The following ST6GALNAC3 variants were observed in gnomAD, a reference collection of about 807,000 sequenced individuals.
ST6GALNAC3 encodes ST6 N-acetylgalactosaminide alpha-2,6-sialyltransferase 3.
Under a neutral mutation model 32.7 loss-of-function variants are expected in ST6GALNAC3, and 25 were observed. The ratio of observed to expected loss-of-function variants is 0.76; its 90% CI spans 0.56 to 1.07. The LOEUF (loss-of-function observed/expected upper bound fraction) is 1.07. Among genes scored for constraint, ST6GALNAC3 ranks in the 50% least tolerant of loss-of-function variants. The probability of loss-of-function intolerance (pLI) is 0.00; values close to 1 mark genes in which losing one functional copy is unlikely to be tolerated. For synonymous variants in ST6GALNAC3, 129 were observed against 133.1 expected (o/e 0.97, Z 0.21); for missense variants, 355 against 382.4 (o/e 0.93, Z 0.60).
At chr1:76,076,978 G>T (rs1206282668) in intron 1 of ST6GALNAC3, among the ~76,000 whole-genome samples, 1 of 139,844 alleles carries the variant, frequency 7.2e-6, no homozygotes, top group Non-Finnish European at 1.7e-5. Context: ...ATACCATTCA[G>T]TTCCAACCAC....
intron 2 of ST6GALNAC3, among the ~76,000 whole-genome samples, chr1:76,374,514 G>A (rs1399973938): frequency 6.6e-6 from 1 of 152,174 alleles, no homozygotes; most frequent in Admixed American, 6.5e-5. Context: ...GGCTCATGCA[G>A]CACTAATGAA....
chr1:76,514,178 A>G (rs895089425), intron 3 of ST6GALNAC3, among the ~76,000 whole-genome samples: 1 of 152,144 alleles, frequency 6.6e-6, no homozygotes, highest in East Asian at 1.9e-4. Flanking sequence ...TGCTCTGGCA[A>G]GCACATTCAG....
chr1:76,511,290 C>T (rs1416335644), intron 3 of ST6GALNAC3, among the ~76,000 whole-genome samples: 1 of 152,192 alleles, frequency 6.6e-6, no homozygotes, highest in Non-Finnish European at 1.5e-5. Flanking sequence ...TGACCTCAGT[C>T]CTCCTCTCTG....
rs78565295 is a variant in ST6GALNAC3 at position 76,190,622 on chromosome 1, A to G, written c.18+115738A>G. Among the ~76,000 whole-genome samples the G allele has an allele frequency of 2.6e-4, 39 of 152,268 alleles. No homozygotes were observed. The East Asian group carries it at 7.3e-3, about 29-fold the overall frequency. ...TCAAGAATTTAATTTACCCGTGTTG[A>G]TCAGATGTGTAAAATAATGGTTCCA... On this transcript the variant is annotated intron_variant, in intron 1 of 4. Coordinates refer to ENST00000328299, the MANE Select transcript of ST6GALNAC3 (RefSeq NM_152996.4).
chr1:76,120,875 C>G (rs922911100), intron 1 of ST6GALNAC3, among the ~76,000 whole-genome samples: 8 of 152,200 alleles, frequency 5.3e-5, no homozygotes, highest in Non-Finnish European at 1.0e-4. Flanking sequence ...GGCCAGAAAT[C>G]TAATGTGGGT....
chr1:76,566,002 A>G (rs60159997), intron 3 of ST6GALNAC3, among the ~76,000 whole-genome samples: 4,331 of 152,328 alleles, frequency 0.028, 107 homozygotes, highest in African/African-American at 0.057. Context: ...TTTTGATATC[A>G]CTTAGAACCG....
intron 1 of ST6GALNAC3, among the ~76,000 whole-genome samples, chr1:76,080,484 T>TA (rs1646878334): frequency 2.0e-5 from 3 of 152,010 alleles, no homozygotes; most frequent in Non-Finnish European, 4.4e-5. Context: ...ATTCCTCATA[T>TA]AAAATCTGGG....
At chr1:76,516,529 A>T (rs1049266492) in intron 3 of ST6GALNAC3, among the ~76,000 whole-genome samples, 19 of 152,170 alleles carry the variant, frequency 1.2e-4, no homozygotes, top group African/African-American at 4.6e-4. Flanking sequence ...GCTATGTCAG[A>T]GGATATTTGC....
intron 3 of ST6GALNAC3, among the ~76,000 whole-genome samples, chr1:76,604,112 T>G (rs1647373876): frequency 6.6e-6 from 1 of 151,862 alleles, no homozygotes; most frequent in African/African-American, 2.4e-5. Context: ...ATTTGAAAAA[T>G]GGGAAAAAAA....
chr1:76,248,216 G>A (rs1657417461), intron 1 of ST6GALNAC3, among the ~76,000 whole-genome samples: 2 of 152,150 alleles, frequency 1.3e-5, no homozygotes, highest in Non-Finnish European at 2.9e-5. Flanking sequence ...CTTCTGCACT[G>A]GTCTTGCTGG....
chr1:76,137,771 C>A (rs1031939092), intron 1 of ST6GALNAC3, among the ~76,000 whole-genome samples: 4 of 152,146 alleles, frequency 2.6e-5, no homozygotes, highest in Non-Finnish European at 4.4e-5. Context: ...GAGATTCTAT[C>A]ACTTACCCAA....
At chr1:76,173,144 A>G (rs1652629490) in intron 1 of ST6GALNAC3, among the ~76,000 whole-genome samples, 1 of 152,196 alleles carries the variant, frequency 6.6e-6, no homozygotes, top group South Asian at 2.1e-4. Flanking sequence ...AGACATACTG[A>G]CTAATGGAGC....
In ST6GALNAC3 at chr1:76,611,275, A is replaced by T. The variant is rs998361234; in HGVS notation, c.624-16177A>T. Among the ~76,000 whole-genome samples, 38 of 151,842 alleles carry T rather than the reference A, an allele frequency of 2.5e-4. 1 individual carries two copies. Among genetic ancestry groups the T allele is most frequent in the Admixed American group, 6.6e-5 (1 of 15,252 alleles). ...TAATATTCAAAATAATTTTTTTCTA[A>T]ATAAGTTGATAAGTTGCCAGTGTTC... On this transcript the variant is annotated intron_variant, in intron 3 of 4. Coordinates refer to ENST00000328299, the MANE Select transcript of ST6GALNAC3 (RefSeq NM_152996.4).
intron 3 of ST6GALNAC3, among the ~76,000 whole-genome samples, chr1:76,454,677 A>G (rs1382337243): frequency 6.6e-6 from 1 of 152,136 alleles, no homozygotes; most frequent in Admixed American, 6.5e-5. Flanking sequence ...GTTTTCCTTT[A>G]TAGGTTACCT....
chr1:76,249,795 C>T (rs1009057184), intron 1 of ST6GALNAC3, among the ~76,000 whole-genome samples: 2 of 152,108 alleles, frequency 1.3e-5, no homozygotes, highest in African/African-American at 2.4e-5. Flanking sequence ...TTTATTTTAG[C>T]GATGTCAGTG....
At chr1:76,323,336 G>C (rs1417996436) in intron 2 of ST6GALNAC3, among the ~76,000 whole-genome samples, 1 of 152,166 alleles carries the variant, frequency 6.6e-6, no homozygotes, top group Non-Finnish European at 1.5e-5. Flanking sequence ...GACAGTCACT[G>C]TGTTAAGTAT....
intron 1 of ST6GALNAC3, among the ~76,000 whole-genome samples, chr1:76,154,304 A>G (rs1349436456): frequency 6.6e-6 from 1 of 152,090 alleles, no homozygotes; most frequent in African/African-American, 2.4e-5. Context: ...CTCCCCCACG[A>G]GAGGGCGCTC....
intron 3 of ST6GALNAC3, among the ~76,000 whole-genome samples, chr1:76,610,671 C>T (rs1014187016): frequency 3.3e-5 from 5 of 152,108 alleles, no homozygotes; most frequent in Admixed American, 3.3e-4. Context: ...GAATGTTGGA[C>T]ATTTACAGTC....
intron 3 of ST6GALNAC3, among the ~76,000 whole-genome samples, chr1:76,620,108 C>T (rs1435440965): frequency 1.3e-5 from 2 of 152,014 alleles, no homozygotes; most frequent in East Asian, 3.9e-4. Flanking sequence ...CAGTGCCCAG[C>T]AACATGCCTC....
Sources: gnomAD v4.1 joint callset for allele counts (sites outside exome capture counted in the v4.1 genomes callset) on GRCh38, gnomAD v4.1.1 for gene constraint, MANE v1.5 for transcripts, NCBI Gene and HGNC (gene_info 2026-07-23, HGNC 2026-07-21) for gene names.